The following STX8 variants were observed in gnomAD, a reference collection of about 807,000 sequenced individuals.
STX8 encodes the protein syntaxin 8, also known as syntaxin-8.
STX8 carries 23 observed loss-of-function variants against 37.5 expected under a neutral mutation model. The ratio of observed to expected loss-of-function variants is 0.61; its 90% CI spans 0.44 to 0.87. STX8 has a LOEUF of 0.87. STX8 is among the 40% of genes least tolerant of loss of function. STX8 has a pLI of 0.00. For missense variants in STX8, 313 were observed against 284.7 expected, an observed-to-expected ratio of 1.10 and a Z score of -0.71; for synonymous variants, 115 against 99.1, an observed-to-expected ratio of 1.16 and a Z score of -0.95.
chr17:9,373,384 A>G (rs925883901), intron 7 of STX8, among the ~76,000 whole-genome samples: 4 of 152,214 alleles, frequency 2.6e-5, no homozygotes, highest in Non-Finnish European at 5.9e-5. Flanking sequence ...ACAAATGGAT[A>G]AACAAAATGT....
chr17:9,398,452 C>A (rs7224253), intron 6 of STX8, among the ~76,000 whole-genome samples: 1,997 of 152,246 alleles, frequency 0.013, 39 homozygotes, highest in African/African-American at 0.045. Context: ...GTCTGAGACA[C>A]CGCCACAGCT....
At chr17:9,352,467 T>G (rs1416230278) in intron 7 of STX8, among the ~76,000 whole-genome samples, 1 of 2,176 alleles carries the variant, frequency 4.6e-4, no homozygotes, top group Non-Finnish European at 7.8e-4. Context: ...TTACTCCCAC[T>G]TTTTTTTTTT....
At chr17:9,288,619 G>A (rs529826388) in intron 7 of STX8, among the ~76,000 whole-genome samples, 44 of 151,950 alleles carry the variant, frequency 2.9e-4, no homozygotes, top group South Asian at 4.2e-4. Flanking sequence ...CCGAGATCGC[G>A]CCACTGCACT....
In STX8 at chr17:9,315,133, T is replaced by C. The variant is rs535104082; in HGVS notation, c.643+63419A>G. 3.4e-3 allele frequency among the ~76,000 whole-genome samples: 451 copies of C among 132,552 alleles called. 1 individual carries two copies. The highest frequency in any genetic ancestry group is 0.011 in the African/African-American group (403 of 35,666). The allele number at this position is 132,552 out of a possible 152,430, so 87.0% of individuals were successfully genotyped here. ...AAAAAAAAACCAACAACAACAACAA[T>C]AGTAACAAAAACAAGAAAAAAACAA... On this transcript the variant is annotated intron_variant, in intron 7 of 7. Coordinates refer to ENST00000306357, the MANE Select transcript of STX8 (RefSeq NM_004853.3).
chr17:9,573,080 A>AACCCCCCCCCCCC (rs1907746427), intron 1 of STX8, among the ~76,000 whole-genome samples: 1 of 101,578 alleles, frequency 9.8e-6, no homozygotes, highest in Admixed American at 1.1e-4. Flanking sequence ...CACCCCCAAC[A>AACCCCCCCCCCCC]CCCCCCCCCA....
At chr17:9,540,590 T>C (rs1445643875) in intron 4 of STX8, 3 of 152,256 alleles carry the variant, frequency 2.0e-5, no homozygotes, top group Non-Finnish European at 4.4e-5. Context: ...TGGTGCTCAA[T>C]GTCCAGTCGC....
At chr17:9,352,565 T>C (rs1910743852) in intron 7 of STX8, among the ~76,000 whole-genome samples, 1 of 149,570 alleles carries the variant, frequency 6.7e-6, no homozygotes, top group Non-Finnish European at 1.5e-5. Context: ...CCTCCCGGGT[T>C]CACGCCATTC....
chr17:9,400,734 A>G (rs1912584438), intron 6 of STX8, among the ~76,000 whole-genome samples: 1 of 152,204 alleles, frequency 6.6e-6, no homozygotes, highest in African/African-American at 2.4e-5. Context: ...AAATGCTATT[A>G]AAGTAAAACT....
chr17:9,323,575 G>A (rs1204036375), intron 7 of STX8, among the ~76,000 whole-genome samples: 5 of 151,814 alleles, frequency 3.3e-5, no homozygotes, highest in Admixed American at 1.3e-4. Context: ...GTGGGATCAC[G>A]GTGGGATCAC....
chr17:9,430,896 G>A (rs529580991), intron 6 of STX8, among the ~76,000 whole-genome samples: 280 of 152,208 alleles, frequency 1.8e-3, no homozygotes, highest in African/African-American at 5.3e-3. Context: ...TGATCCACCC[G>A]CCTCGGCCTC....
At chr17:9,472,515 T>C (rs925071147) in intron 6 of STX8, among the ~76,000 whole-genome samples, 1 of 152,222 alleles carries the variant, frequency 6.6e-6, no homozygotes, top group Non-Finnish European at 1.5e-5. Flanking sequence ...AGAAACAGTA[T>C]GACTAGGGCC....
At chr17:9,289,502 G>A (rs574802324) in intron 7 of STX8, among the ~76,000 whole-genome samples, 11 of 147,038 alleles carry the variant, frequency 7.5e-5, no homozygotes, top group Non-Finnish European at 1.1e-4. Flanking sequence ...TGCATCTGAC[G>A]ATACCCACAA....
chr17:9,391,387 G>A (rs1442288501), intron 6 of STX8, among the ~76,000 whole-genome samples: 1 of 152,078 alleles, frequency 6.6e-6, no homozygotes, highest in African/African-American at 2.4e-5. Context: ...GGGAAGTGGA[G>A]GTTGCAGTGA....
intron 7 of STX8, among the ~76,000 whole-genome samples, chr17:9,342,062 G>A (rs947676331): frequency 6.6e-6 from 1 of 152,098 alleles, no homozygotes; most frequent in Admixed American, 6.5e-5. Flanking sequence ...AGGGGAAGGG[G>A]GAGATGGTTT....
intron 6 of STX8, among the ~76,000 whole-genome samples, chr17:9,385,796 T>C (rs535598342): frequency 1.6e-4 from 24 of 152,334 alleles, no homozygotes; most frequent in African/African-American, 5.8e-4. Context: ...TGAGGTGGCA[T>C]CTTGCTCTAT....
intron 6 of STX8, among the ~76,000 whole-genome samples, chr17:9,428,892 C>T (rs929111642): frequency 6.6e-6 from 1 of 152,098 alleles, no homozygotes; most frequent in African/African-American, 2.4e-5. Context: ...CAACACCGGT[C>T]TATTCAGAGG....
Position 9,403,941 on chromosome 17 carries a change from C to T in STX8, c.542-25288G>A, listed in dbSNP as rs141706394. Among the ~76,000 whole-genome samples, 499 of 152,200 alleles carry T rather than the reference C, an allele frequency of 3.3e-3. 4 individuals carry two copies. The highest frequency in any genetic ancestry group is 0.011 in the African/African-American group (461 of 41,502). On this transcript the variant is annotated intron_variant, in intron 6 of 7. Transcript: ENST00000306357. ...GATTACGGGAGTGAGCCACCACATC[C>T]GGCCCACATACAACTCTTTTGACTC...
intron 6 of STX8, among the ~76,000 whole-genome samples, chr17:9,384,374 C>T (rs2142292746): frequency 6.6e-6 from 1 of 152,280 alleles, no homozygotes; most frequent in African/African-American, 2.4e-5. Context: ...TGCGGTGGCT[C>T]ACGCCTGTAA....
At chr17:9,556,579 G>A (rs1906971562) in intron 3 of STX8, among the ~76,000 whole-genome samples, 1 of 151,662 alleles carries the variant, frequency 6.6e-6, no homozygotes, top group Middle Eastern at 3.4e-3. Context: ...GTAGCTGGGA[G>A]TACAGGCGTG....
Sources: gnomAD v4.1 joint callset for allele counts (sites outside exome capture counted in the v4.1 genomes callset) on GRCh38, gnomAD v4.1.1 for gene constraint, MANE v1.5 for transcripts, NCBI Gene and HGNC (gene_info 2026-07-23, HGNC 2026-07-21) for gene names.